The following TTN variants were observed in gnomAD, a reference collection of about 807,000 sequenced individuals.
TTN encodes connectin.
In TTN, 1,525 loss-of-function variants were observed where a neutral mutation model predicts 3,223.0. The observed-to-expected ratio is 0.47, with a 90% CI of 0.45 to 0.49. The LOEUF (loss-of-function observed/expected upper bound fraction) is 0.49, where lower values mean the gene tolerates loss of function less well. Ranked by LOEUF, TTN falls within the 20% of genes least tolerant of loss-of-function variation. The probability of loss-of-function intolerance (pLI) is 0.00; values close to 1 mark genes in which losing one functional copy is unlikely to be tolerated. For missense variants in TTN, 40,786 were observed against 43,424.0 expected, an observed-to-expected ratio of 0.94 and a Z score of 5.40; for synonymous variants, 14,094 against 15,161.0, an observed-to-expected ratio of 0.93 and a Z score of 5.17.
chr2:178,589,856 GACATCTGATGCA>G lies in TTN; in HGVS notation c.61857_61868del (p.Ala20620_Val20623del). 6.2e-7 allele frequency: 1 copy of G among 1,613,434 alleles called. No individual in the cohort carries two copies. Among genetic ancestry groups the G allele is most frequent in the Non-Finnish European group, 8.5e-7 (1 of 1,179,594 alleles). ...GGTTGGCCTTGATTAATCGTTTAGT[GACATCTGATGCA>G]ACAATTGACCAGCCTTTCTGGTTTG... is the stretch of plus-strand genomic sequence containing the variant. On this transcript the variant is annotated inframe_deletion, in exon 304 of 363. Coordinates refer to ENST00000589042, the MANE Select transcript of TTN (RefSeq NM_001267550.2).
chr2:178,578,616 A>G lies in TTN; in HGVS notation c.68324T>C (p.Ile22775Thr). The G allele has an allele frequency of 1.2e-6, 2 of 1,609,522 alleles. No homozygotes were observed. Among genetic ancestry groups the G allele is most frequent in the Non-Finnish European group, 1.7e-6 (2 of 1,177,354 alleles). ...GATAAGAACAAACAAAATACCTGTA[A>G]TTGGAGAACCACCAGTTTTCTTGGG... ...TDPKKTGGSPITGYHLEFKER... is the reference protein window; with the variant it reads ...TDPKKTGGSPTTGYHLEFKER... The change falls in exon 321 of 363, where the codon ATT (isoleucine) becomes ACT (threonine). Residue 22775 changes from isoleucine (I) to threonine (T), a missense_variant. By Grantham distance (89) the Ile-to-Thr change is moderately conservative. Transcript: ENST00000589042.
intron 46 of TTN, among the ~76,000 whole-genome samples, chr2:178,754,633 C>T (rs773157721): frequency 7.9e-5 from 12 of 152,134 alleles, no homozygotes; most frequent in Non-Finnish European, 1.6e-4. Flanking sequence ...ACACTGTCAC[C>T]TACAGGACTT....
rs772788193 is a variant in TTN at position 178,629,431 on chromosome 2, C to A, written c.44294G>T (p.Gly14765Val). 1 of 1,612,938 alleles carries A rather than the reference C, an allele frequency of 6.2e-7. No homozygotes were observed. The highest frequency in any genetic ancestry group is 8.5e-7 in the Non-Finnish European group (1 of 1,179,270). ...GACATCCTTTAAAGGCCTCAGAAGA[C>A]CAATTACTCGTGCTTTTCGAGAGGG... ...AHLRVKPRVI[G>V]LLRPLKDVTV... is the part of the protein sequence containing the mutation. Residue 14765 changes from glycine (G) to valine (V), a missense_variant, in exon 240 of 363, where the codon GGT becomes GTT. By Grantham distance (109) the Gly-to-Val change is moderately radical (BLOSUM62 -3). Transcript: ENST00000589042.
At position 178,544,184 on chromosome 2, in the gene TTN, G is replaced by T. The variant is rs1370661769; in HGVS notation, c.96028+17C>A. On this transcript the variant is annotated intron_variant, in intron 345 of 362. Coordinates refer to ENST00000589042, the MANE Select transcript of TTN (RefSeq NM_001267550.2). ...TGAGAAGAAAATAATTCACCTAAAA[G>T]CTTCTGTGATAAATACCTATTCTTT... 1.1e-5 allele frequency: 18 copies of T among 1,607,718 alleles called. No individual in the cohort carries two copies. The highest frequency in any genetic ancestry group is 1.4e-5 in the Non-Finnish European group (17 of 1,175,118).
rs1195242548 is a variant in TTN at position 178,637,501 on chromosome 2, T to C, written c.40877-82A>G. 3.2e-5 allele frequency: 24 copies of C among 752,372 alleles called. No individual in the cohort carries two copies. In the East Asian group the frequency reaches 5.4e-4, roughly 17 times the overall value. 46.6% of individuals were successfully genotyped at this position (752,372 alleles called of 1,614,324 possible). A position where few individuals can be genotyped will look rare whatever the true frequency, so the allele number is the denominator to read the frequency against. On this transcript the variant is annotated intron_variant, in intron 223 of 362. Coordinates refer to ENST00000589042, the MANE Select transcript of TTN (RefSeq NM_001267550.2). ...ATAGTAAACCATGGAGGGTGAGTCA[T>C]GCTCCATTATAAATATTAACGCATA...
At chr2:178,623,555 G>C (rs75152495) in intron 242 of TTN, among the ~76,000 whole-genome samples, 277 of 151,992 alleles carry the variant, frequency 1.8e-3, no homozygotes, top group Non-Finnish European at 3.0e-3. Flanking sequence ...GCTCCTTGCA[G>C]CTGAGCCTTC....
Position 178,610,408 on chromosome 2 carries a change from A to C in TTN, c.51137-19T>G, listed in dbSNP as rs773781789. Reference sequence around the variant, plus strand: ...GGTAGGCCTATTACAAAAATGGATAATTATTCTAGTAATCCTGAAAAATCA... The same window carrying C: ...GGTAGGCCTATTACAAAAATGGATACTTATTCTAGTAATCCTGAAAAATCA... On this transcript the variant is annotated intron_variant, in intron 270 of 362. Transcript: ENST00000589042. 7.5e-6 allele frequency: 12 copies of C among 1,603,798 alleles called. No individual in the cohort carries two copies. In the East Asian group the frequency reaches 2.7e-4, roughly 36 times the overall value.
In TTN at chr2:178,800,412, G is replaced by C. The variant is rs1261657168; in HGVS notation, c.566C>G (p.Ala189Gly). The change falls in exon 4 of 363, where the codon GCT becomes GGT. Residue 189 changes from alanine (A) to glycine (G), a missense_variant. Ala to Gly is a moderately conservative substitution (Grantham distance 60). Transcript: ENST00000589042. Reference sequence around the variant, plus strand: ...GCACGTACCTTGAACCAGTAATTCAGCAGTCGAAGTAGCTCTTCCAACGCT... The same window carrying C: ...GCACGTACCTTGAACCAGTAATTCACCAGTCGAAGTAGCTCTTCCAACGCT... ...TNSVGRATSTAELLVQGEEEV... is the reference protein window; with the variant it reads ...TNSVGRATSTGELLVQGEEEV... 7 of 1,614,116 alleles carry C rather than the reference G, an allele frequency of 4.3e-6. No homozygotes were observed. Among genetic ancestry groups the C allele is most frequent in the Non-Finnish European group, 5.1e-6 (6 of 1,179,994 alleles).
At chr2:178,680,144 A>C (rs2069019871) in intron 139 of TTN, 89 bp from the exon 140 acceptor site, 7 of 1,580,722 alleles carry the variant, frequency 4.4e-6, no homozygotes, top group Admixed American at 1.8e-5. Context: ...TTATAACAGA[A>C]GAAAGGACAA....
At position 178,564,586 on chromosome 2, in the gene TTN, A is replaced by T; in HGVS notation, c.81546T>A (p.Ile27182=). 6.2e-7 allele frequency: 1 copy of T among 1,613,516 alleles called. No homozygotes were observed. The highest frequency in any genetic ancestry group is 1.3e-5 in the African/African-American group (1 of 75,010). ...ATTTCAGTGTGACATTGTTTCTTGT[A>T]ATAACAATGGCTTCAGGGCGACCAG... is the stretch of plus-strand genomic sequence containing the variant. ...DPPGRPEAIV[I]TRNNVTLKWK... is the part of the protein sequence containing the mutation. The change falls in exon 326 of 363, where the codon ATT becomes ATA. Residue 27182 remains isoleucine, a synonymous_variant. Transcript: ENST00000589042.
chr2:178,549,770 G>A lies in TTN; in HGVS notation c.91952C>T (p.Pro30651Leu). The change falls in exon 338 of 363, where the codon CCC (proline) becomes CTC (leucine). Residue 30651 changes from proline (P) to leucine (L), a missense_variant. By Grantham distance (98) the Pro-to-Leu change is moderately conservative. Coordinates refer to ENST00000589042, the MANE Select transcript of TTN (RefSeq NM_001267550.2). Reference protein sequence around the residue: ...WDAPLNDGCAPITHYIIEKRE... With the variant: ...WDAPLNDGCALITHYIIEKRE... ...TTTTTCAATGATGTAGTGGGTTATG[G>A]GAGCACAACCGTCATTGAGTGGGGC... 1 of 1,613,238 alleles carries A rather than the reference G, an allele frequency of 6.2e-7. No homozygotes were observed. The highest frequency in any genetic ancestry group is 8.5e-7 in the Non-Finnish European group (1 of 1,179,366).
chr2:178,652,422 T>A, intron 202 of TTN, 36 bp downstream of exon 202: 3 of 1,612,144 alleles, frequency 1.9e-6, no homozygotes, highest in South Asian at 1.1e-5. Context: ...AGCAGAAGAG[T>A]TTGATCATCT....
chr2:178,648,717 C>T (rs577661320), intron 213 of TTN, among the ~76,000 whole-genome samples: 2 of 152,184 alleles, frequency 1.3e-5, no homozygotes, highest in South Asian at 4.1e-4. Flanking sequence ...GCCTTATTTC[C>T]TCAATTTCTA....
intron 162 of TTN, among the ~76,000 whole-genome samples, 153 bp from the exon 163 acceptor site, chr2:178,667,054 G>A (rs941757317): frequency 2.0e-5 from 3 of 152,190 alleles, no homozygotes; most frequent in South Asian, 2.1e-4. Context: ...TATATTATAT[G>A]TGTGGGACTT....
In TTN at chr2:178,563,744, G is replaced by T; in HGVS notation, c.82388C>A (p.Ala27463Asp). The T allele has an allele frequency of 6.2e-7, 1 of 1,613,658 alleles. No homozygotes were observed. The highest frequency in any genetic ancestry group is 8.5e-7 in the Non-Finnish European group (1 of 1,179,750). Residue 27463 changes from alanine (A) to aspartate (D), a missense_variant, in exon 326 of 363, where the codon GCC becomes GAC. Ala to Asp is a moderately radical substitution (Grantham distance 126). Coordinates refer to ENST00000589042, the MANE Select transcript of TTN (RefSeq NM_001267550.2). The surrounding 1 kb of genome is among the most constrained non-coding windows in gnomAD (Gnocchi z 4.5). ...GEPLESGPVT[A>D]CNPYKPPGPP... The stretch of plus-strand genomic sequence containing the variant: ...ACCTGGTGGCTTATAAGGATTACAG[G>T]CCGTAACAGGCCCAGATTCCAAGGG...
intron 159 of TTN, among the ~76,000 whole-genome samples, chr2:178,668,567 C>T (rs2066376541): frequency 6.6e-6 from 1 of 151,774 alleles, no homozygotes; most frequent in Non-Finnish European, 1.5e-5. Context: ...CCTGTCTCTA[C>T]TAAAAATACA....
rs727505138 is a variant in TTN, at chr2:178,714,586, G to A, written c.26201-13C>T. 10 of 1,574,832 alleles carry A rather than the reference G, an allele frequency of 6.3e-6. No homozygotes were observed. The South Asian group carries it at 8.2e-5, about 13-fold the overall frequency. ...AATCTTGGTGGTGCTGATGAAAAAG[G>A]AGGAAAGCCTGGGTTTTAAAATTTG... On this transcript the variant is annotated splice_polypyrimidine_tract_variant and intron_variant, in intron 90 of 362. Transcript: ENST00000589042.
At chr2:178,735,048 A>C in intron 50 of TTN, 60 bp from the exon 51 acceptor site, 1 of 1,461,202 alleles carries the variant, frequency 6.8e-7, no homozygotes, top group Non-Finnish European at 9.1e-7. Flanking sequence ...ACTCCGCAAA[A>C]GAAAAGTAGA....
Position 178,553,796 on chromosome 2 carries a change from G to T in TTN, c.89209C>A (p.Pro29737Thr). The T allele has an allele frequency of 6.3e-7, 1 of 1,592,478 alleles. No homozygotes were observed. The highest frequency in any genetic ancestry group is 1.1e-5 in the South Asian group (1 of 87,318). The change falls in exon 334 of 363, where the codon CCA (proline) becomes ACA (threonine). Residue 29737 changes from proline to threonine, a missense_variant. By Grantham distance (38) the Pro-to-Thr change is conservative. Transcript: ENST00000589042. ...KAADPIDPPG[P>T]PAKIRIADST... Reference sequence around the variant, plus strand: ...TCTGCGATTCTTATCTTAGCAGGTGGACCTGGAGGATCTGGAATGGCCATT... The same window carrying T: ...TCTGCGATTCTTATCTTAGCAGGTGTACCTGGAGGATCTGGAATGGCCATT...
Sources: allele counts gnomAD v4.1 joint callset (sites outside exome capture counted in the v4.1 genomes callset), GRCh38; gene constraint gnomAD v4.1.1; non-coding constraint Gnocchi (gnomAD v3.1); transcripts MANE v1.5; gene names NCBI Gene and HGNC (gene_info 2026-07-23, HGNC 2026-07-21).